The following ULK4 variants were observed in gnomAD, a reference collection of about 807,000 sequenced individuals.
ULK4 encodes inactive serine/threonine-protein kinase ULK4.
Under a neutral mutation model 160.6 loss-of-function variants are expected in ULK4, and 133 were observed. The observed-to-expected ratio is 0.83, with a 90% CI of 0.72 to 0.96. The LOEUF is 0.96. ULK4 is among the 40% of genes least tolerant of loss of function. The pLI is 0.00. For missense variants in ULK4, 1,580 were observed against 1,499.5 expected (o/e 1.05, Z -0.89); for synonymous variants, 534 against 539.8 (o/e 0.99, Z 0.15).
At chr3:41,451,052 G>T (rs989739426) in intron 34 of ULK4, among the ~76,000 whole-genome samples, 1 of 152,054 alleles carries the variant, frequency 6.6e-6, no homozygotes, top group African/African-American at 2.4e-5. Flanking sequence ...CTGAACACTG[G>T]GTGGCATCAC....
chr3:41,810,521 T>C (rs374151527), intron 19 of ULK4, among the ~76,000 whole-genome samples: 4 of 152,298 alleles, frequency 2.6e-5, no homozygotes, highest in African/African-American at 7.2e-5. Context: ...CTTTCTTTAA[T>C]GTTGTGGCAA....
intron 32 of ULK4, among the ~76,000 whole-genome samples, chr3:41,519,199 T>A (rs983170938): frequency 6.6e-6 from 1 of 152,176 alleles, no homozygotes; most frequent in Non-Finnish European, 1.5e-5. Flanking sequence ...GAACACAAAG[T>A]GGCTGCCCTA....
chr3:41,369,241 T>TAC (rs1320683341), intron 35 of ULK4, among the ~76,000 whole-genome samples: 2 of 152,226 alleles, frequency 1.3e-5, no homozygotes, highest in Non-Finnish European at 2.9e-5. Flanking sequence ...CCCCTGCCTG[T>TAC]ACCAGCACTT....
At chr3:41,258,972 GTA>G (rs542656005) in intron 35 of ULK4, among the ~76,000 whole-genome samples, 1 of 149,244 alleles carries the variant, frequency 6.7e-6, no homozygotes, top group Non-Finnish European at 1.5e-5. Context: ...ACATATATGT[GTA>G]TATATATACA....
intron 17 of ULK4, among the ~76,000 whole-genome samples, chr3:41,842,094 G>A (rs569954173): frequency 7.0e-6 from 1 of 143,672 alleles, no homozygotes; most frequent in Non-Finnish European, 1.5e-5. Flanking sequence ...CTATGACCCT[G>A]CCACATCCCC....
chr3:41,797,596 A>T (rs542172131), intron 20 of ULK4, among the ~76,000 whole-genome samples: 27 of 152,344 alleles, frequency 1.8e-4, no homozygotes, highest in Non-Finnish European at 3.4e-4. Context: ...ACAGTGGCTC[A>T]CGACTGTAAT....
chr3:41,721,287 G>T (rs9868793), intron 22 of ULK4, among the ~76,000 whole-genome samples: 67,448 of 68,848 alleles, frequency 0.98, 33,046 homozygotes, highest in Non-Finnish European at 0.99. Flanking sequence ...TTTTTTTTGG[G>T]TTTTGAACCA....
At chr3:41,642,540 C>T (rs191618398) in intron 30 of ULK4, among the ~76,000 whole-genome samples, 9,365 of 152,142 alleles carry the variant, frequency 0.062, 969 homozygotes, top group African/African-American at 0.21. Context: ...TATGGCTGCA[C>T]AGTATTCCAT....
intron 35 of ULK4, among the ~76,000 whole-genome samples, chr3:41,307,153 ATAAAT>A (rs1341196944): frequency 0.014 from 1,645 of 120,078 alleles, 29 homozygotes; most frequent in African/African-American, 0.054. Flanking sequence ...TAAAAAATAA[ATAAAT>A]TAAAAAAAAA....
At chr3:41,486,287 A>AC (rs1407413768) in intron 32 of ULK4, among the ~76,000 whole-genome samples, 1 of 152,248 alleles carries the variant, frequency 6.6e-6, no homozygotes, top group African/African-American at 2.4e-5. Context: ...ATGTGGAATA[A>AC]CTGACATTAC....
intron 22 of ULK4, among the ~76,000 whole-genome samples, chr3:41,725,803 G>C (rs1305448323): frequency 6.6e-6 from 1 of 152,092 alleles, no homozygotes; most frequent in Admixed American, 6.6e-5. Flanking sequence ...TGAGGCCTAG[G>C]GTTACGGTTA....
intron 11 of ULK4, among the ~76,000 whole-genome samples, chr3:41,909,185 G>A (rs1367088527): frequency 6.6e-6 from 1 of 151,270 alleles, no homozygotes. Flanking sequence ...AGCTTAAACA[G>A]TGTAGGTGAA....
chr3:41,937,165 T>C (rs1032507376), intron 3 of ULK4: 1 of 457,644 alleles, frequency 2.2e-6, no homozygotes, highest in Non-Finnish European at 3.9e-6. Context: ...TTTGGGGTTT[T>C]ATTTTGTTTT....
chr3:41,741,906 C>A (rs578234475), intron 22 of ULK4, among the ~76,000 whole-genome samples: 2 of 151,788 alleles, frequency 1.3e-5, no homozygotes, highest in South Asian at 2.1e-4. Flanking sequence ...CCTTCTTTAT[C>A]GCCTCTCATG....
chr3:41,395,933 A>T (rs2082049656), intron 35 of ULK4, among the ~76,000 whole-genome samples: 1 of 152,164 alleles, frequency 6.6e-6, no homozygotes, highest in African/African-American at 2.4e-5. Context: ...CAGATATTAT[A>T]AAGAAGCCAT....
chr3:41,488,080 T>A (rs984897092), intron 32 of ULK4, among the ~76,000 whole-genome samples: 1 of 152,078 alleles, frequency 6.6e-6, no homozygotes. Context: ...AAAGATGAAG[T>A]AGAAATACAT....
intron 34 of ULK4, among the ~76,000 whole-genome samples, chr3:41,421,501 T>C (rs997459856): frequency 3.3e-5 from 5 of 152,220 alleles, no homozygotes; most frequent in African/African-American, 9.6e-5. Flanking sequence ...GAAGAATTGC[T>C]AGCTGAACTT....
intron 27 of ULK4, among the ~76,000 whole-genome samples, chr3:41,698,858 T>C (rs1295582642): frequency 6.6e-6 from 1 of 152,218 alleles, no homozygotes; most frequent in East Asian, 1.9e-4. Flanking sequence ...GGAATAGTTT[T>C]GTCTATTCTT....
intron 29 of ULK4, among the ~76,000 whole-genome samples, chr3:41,672,879 G>A (rs55654326): frequency 0.027 from 4,048 of 152,058 alleles, 181 homozygotes; most frequent in African/African-American, 0.091. Context: ...TTCTGTCACC[G>A]AGGCTGGAGT....
Sources: gnomAD v4.1 joint callset for allele counts (sites outside exome capture counted in the v4.1 genomes callset) on GRCh38, gnomAD v4.1.1 for gene constraint, MANE v1.5 for transcripts, NCBI Gene and HGNC (gene_info 2026-07-23, HGNC 2026-07-21) for gene names.